Variants in MYB observed in about 807,000 individuals in gnomAD.
MYB encodes the protein MYB proto-oncogene, transcription factor, also known as transcriptional activator Myb.
In MYB, 28 loss-of-function variants were observed where a neutral mutation model predicts 92.9. The observed-to-expected ratio is 0.30, with a 90% CI of 0.22 to 0.41. The LOEUF (loss-of-function observed/expected upper bound fraction) is 0.41. Ranked by LOEUF, MYB falls within the 10% of genes least tolerant of loss-of-function variation. MYB has a pLI of 1.00. For synonymous variants in MYB, 295 were observed against 329.1 expected (o/e 0.90, Z 1.12); for missense variants, 679 against 929.3 (o/e 0.73, Z 3.50).
At chr6:135,203,165 C>G in intron 14 of MYB, 52 bp from the exon 15 acceptor site, 1,169 of 1,196,616 alleles carry the variant, frequency 9.8e-4, no homozygotes, top group Non-Finnish European at 1.3e-3. Context: ...AAAAATGTGG[C>G]TCTCATATTA....
chr6:135,203,144 C>T, intron 14 of MYB, 73 bp from the exon 15 acceptor site: 1 of 1,096,756 alleles, frequency 9.1e-7, no homozygotes, highest in Non-Finnish European at 1.4e-6. Context: ...ATCTACTCTC[C>T]ACAGTGTTAG....
intron 1 of MYB, among the ~76,000 whole-genome samples, chr6:135,185,162 A>C (rs992702527): frequency 7.2e-5 from 11 of 152,214 alleles, no homozygotes; most frequent in Admixed American, 6.5e-4. Context: ...GACTCTGACT[A>C]ACAAGTGGCC....
At chr6:135,206,675 A>G (rs1778985512) in intron 15 of MYB, among the ~76,000 whole-genome samples, 1 of 152,196 alleles carries the variant, frequency 6.6e-6, no homozygotes, top group Non-Finnish European at 1.5e-5. Context: ...CAGCCTAGGC[A>G]ATAGAGTGAG....
chr6:135,203,124 T>C (rs1179975947), intron 14 of MYB, 93 bp from the exon 15 acceptor site: 4 of 911,972 alleles, frequency 4.4e-6, no homozygotes, highest in Non-Finnish European at 7.1e-6. Flanking sequence ...ATGTGTATCA[T>C]CTCATAGTAA....
chr6:135,185,670 GA>G (rs776769446), intron 1 of MYB, among the ~76,000 whole-genome samples: 9 of 152,210 alleles, frequency 5.9e-5, no homozygotes, highest in Non-Finnish European at 1.2e-4. Context: ...ACATGCAGGG[GA>G]ATAGGAAGGT....
At chr6:135,206,075 G>A (rs1009793748) in intron 15 of MYB, among the ~76,000 whole-genome samples, 17 of 151,380 alleles carry the variant, frequency 1.1e-4, no homozygotes, top group African/African-American at 3.6e-4. Flanking sequence ...GCGTAGTGGC[G>A]GGCACCTGTA....
chr6:135,213,451 G>C (rs533663090), intron 15 of MYB, among the ~76,000 whole-genome samples: 2 of 152,282 alleles, frequency 1.3e-5, no homozygotes, highest in Non-Finnish European at 2.9e-5. Context: ...GTGATGAGCT[G>C]TGTAGGGGAT....
At chr6:135,193,780 C>A (rs762918028) in intron 6 of MYB, 58 bp from the exon 7 acceptor site, 3 of 1,210,652 alleles carry the variant, frequency 2.5e-6, no homozygotes, top group South Asian at 1.3e-5. Flanking sequence ...GAAGCCAAGT[C>A]CCCTGAAGCA....
chr6:135,181,344 T>C lies in MYB; in HGVS notation c.-170T>C, dbSNP rs1353267580. 6 of 215,712 alleles carry C rather than the reference T, an allele frequency of 2.8e-5. No homozygotes were observed. Among genetic ancestry groups the C allele is most frequent in the Admixed American group, 6.2e-5 (1 of 16,236 alleles). 13.4% of individuals were successfully genotyped at this position (215,712 alleles called of 1,614,324 possible). A position where few individuals can be genotyped will look rare whatever the true frequency, so the allele number is the denominator to read the frequency against. ...TCAACCTGTTTCCTCCTCCTCCTTCTCCTCCTCCTCCGTGACCTCCTCCTC... is the reference window on the plus strand; with the variant it reads ...TCAACCTGTTTCCTCCTCCTCCTTCCCCTCCTCCTCCGTGACCTCCTCCTC... On this transcript the variant is annotated 5_prime_UTR_variant, in exon 1 of 16. Transcript: ENST00000341911. This position sits in a 1 kb window ranked among gnomAD's most constrained non-coding sequence, Gnocchi z 5.3.
intron 15 of MYB, 192 bp downstream of exon 15, chr6:135,203,516 T>G: frequency 1.5e-6 from 1 of 660,652 alleles, no homozygotes; most frequent in South Asian, 2.1e-5. Context: ...TTTTTGCTAC[T>G]CATATGAGAC....
At chr6:135,214,104 C>G (rs982583209) in intron 15 of MYB, among the ~76,000 whole-genome samples, 4 of 151,986 alleles carry the variant, frequency 2.6e-5, no homozygotes, top group Non-Finnish European at 5.9e-5. Flanking sequence ...GAGACCCCCG[C>G]TCTCTACAAA....
chr6:135,195,904 G>A lies in MYB; in HGVS notation c.1105G>A (p.Ala369Thr), dbSNP rs199722406. The A allele has an allele frequency of 1.2e-4, 190 of 1,613,982 alleles. No homozygotes were observed. The highest frequency in any genetic ancestry group is 8.0e-4 in the Admixed American group (48 of 60,000). The change falls in exon 9 of 16, where the codon GCC becomes ACC. Residue 369 changes from alanine (A) to threonine (T), a missense_variant. Ala to Thr is a moderately conservative substitution (Grantham distance 58, BLOSUM62 0). Coordinates refer to ENST00000341911, the MANE Select transcript of MYB (RefSeq NM_001130173.2). Reference protein sequence around the residue: ...ADPGSLPEESASPARCMIVHQ... With the variant: ...ADPGSLPEESTSPARCMIVHQ... ...TCCTGGCTCCCTACCTGAAGAAAGC[G>A]CCTCGCCAGCAAGGTGCATGATCGT...
intron 5 of MYB, among the ~76,000 whole-genome samples, chr6:135,191,045 C>T (rs998561742): frequency 6.6e-6 from 1 of 152,202 alleles, no homozygotes; most frequent in African/African-American, 2.4e-5. Context: ...ACAATCCTTT[C>T]ACCTCCCAAA....
intron 15 of MYB, among the ~76,000 whole-genome samples, chr6:135,213,378 C>G (rs1194893538): frequency 6.6e-6 from 1 of 152,078 alleles, no homozygotes; most frequent in Non-Finnish European, 1.5e-5. Flanking sequence ...TATATGGTAC[C>G]TTCTTTATAT....
chr6:135,203,620 T>G, intron 15 of MYB: 1 of 948,398 alleles, frequency 1.1e-6, no homozygotes, highest in Non-Finnish European at 1.6e-6. Flanking sequence ...TACACGTGTG[T>G]CACTATCTTC....
chr6:135,194,333 T>C (rs763362545), intron 7 of MYB, 23 bp from the exon 8 acceptor site: 1 of 1,552,572 alleles, frequency 6.4e-7, no homozygotes, highest in Non-Finnish European at 8.9e-7. Flanking sequence ...TTTGTCTTTA[T>C]TTCCCTTACT....
In MYB at chr6:135,196,994, G is replaced by T. The variant is rs749542868; in HGVS notation, c.1237G>T (p.Glu413Ter). The change falls in exon 10 of 16, where the codon GAA (glutamate) becomes TAA (stop). Residue 413 changes from glutamate (E) to a stop codon, truncating the protein, a stop_gained. Transcript: ENST00000341911. LOFTEE classifies it high-confidence loss of function. ...SSSWCDLSSF[E>*]FFEEADFSPS... ...ATCATGGTGTGATCTCAGCAGTTTT[G>T]AATTCTTTGAAGAAGCAGATTTTTC... 3.1e-6 allele frequency: 5 copies of T among 1,613,702 alleles called. No homozygotes were observed. In the Admixed American group the frequency reaches 6.7e-5, roughly 22 times the overall value.
At chr6:135,192,053 A>G (rs1157691290) in intron 5 of MYB, among the ~76,000 whole-genome samples, 2 of 152,190 alleles carry the variant, frequency 1.3e-5, no homozygotes, top group Non-Finnish European at 2.9e-5. Flanking sequence ...TCGTATTGAA[A>G]ATACTCCTTT....
In MYB at chr6:135,190,177, C is replaced by G. The variant is rs764002721; in HGVS notation, c.357C>G (p.Ala119=). 3.1e-6 allele frequency: 5 copies of G among 1,614,106 alleles called. No individual in the cohort carries two copies. In the South Asian group the frequency reaches 5.5e-5, roughly 18 times the overall value. The change falls in exon 5 of 16, where the codon GCC becomes GCG. Residue 119 remains alanine, a synonymous_variant. Coordinates refer to ENST00000341911, the MANE Select transcript of MYB (RefSeq NM_001130173.2). This position sits in a 1 kb window ranked among gnomAD's most constrained non-coding sequence, Gnocchi z 4.5. The part of the protein sequence containing the change: ...KYGPKRWSVI[A]KHLKGRIGKQ... ...GTCCGAAACGTTGGTCTGTTATTGC[C>G]AAGCACTTAAAGGGGAGAATTGGAA...
Sources: allele counts gnomAD v4.1 joint callset (sites outside exome capture counted in the v4.1 genomes callset), GRCh38; gene constraint gnomAD v4.1.1; non-coding constraint Gnocchi (gnomAD v3.1); transcripts MANE v1.5; gene names NCBI Gene and HGNC (gene_info 2026-07-23, HGNC 2026-07-21).